The following FGD4 variants were observed in gnomAD, a reference collection of about 807,000 sequenced individuals.
FGD4 encodes FYVE, RhoGEF and PH domain containing 4, also known as FYVE, RhoGEF and PH domain-containing protein 4.
In FGD4, 42 loss-of-function variants were observed where a neutral mutation model predicts 102.0. That is an observed-to-expected ratio of 0.41 (90% CI 0.32 to 0.53). FGD4 has a LOEUF of 0.53. Ranked by LOEUF, FGD4 falls within the 20% of genes least tolerant of loss-of-function variation. The pLI is 0.21. For missense variants in FGD4, 902 were observed against 1,078.2 expected, an observed-to-expected ratio of 0.84 and a Z score of 2.29; for synonymous variants, 380 against 375.7, an observed-to-expected ratio of 1.01 and a Z score of -0.13.
chr12:32,427,241 T>C (rs1941870748), intron 1 of FGD4, among the ~76,000 whole-genome samples: 1 of 152,236 alleles, frequency 6.6e-6, no homozygotes, highest in African/African-American at 2.4e-5. Context: ...TTTAGCTGCA[T>C]CGCAGAGATT....
At chr12:32,563,720 T>G (rs1368008538) in intron 1 of FGD4, among the ~76,000 whole-genome samples, 5 of 152,158 alleles carry the variant, frequency 3.3e-5, no homozygotes, top group Admixed American at 2.6e-4. Context: ...CATTGAGCAC[T>G]GAGTGAACCA....
chr12:32,460,397 A>G (rs1017304093), intron 1 of FGD4, among the ~76,000 whole-genome samples: 16 of 151,898 alleles, frequency 1.1e-4, no homozygotes, highest in African/African-American at 3.9e-4. Flanking sequence ...TGCCCGTAGC[A>G]CCAGCTACTT....
chr12:32,563,140 GC>G (rs1944800334), intron 1 of FGD4, among the ~76,000 whole-genome samples: 1 of 151,114 alleles, frequency 6.6e-6, no homozygotes, highest in Non-Finnish European at 1.5e-5. Flanking sequence ...CCTGGCGGGG[GC>G]TGACCCCCAC....
chr12:32,580,020 C>G (rs1355132617), intron 3 of FGD4, among the ~76,000 whole-genome samples: 1 of 152,208 alleles, frequency 6.6e-6, no homozygotes, highest in Non-Finnish European at 1.5e-5. Context: ...CTCCCTTTAT[C>G]CCGTTACCTG....
chr12:32,616,008 A>G (rs1450405696), intron 10 of FGD4, among the ~76,000 whole-genome samples: 1 of 152,156 alleles, frequency 6.6e-6, no homozygotes, highest in Non-Finnish European at 1.5e-5. Context: ...GTCAGTGTCA[A>G]CAAGGCCTTA....
chr12:32,542,010 G>A (rs762232628), intron 1 of FGD4, among the ~76,000 whole-genome samples: 1 of 152,004 alleles, frequency 6.6e-6, no homozygotes, highest in Non-Finnish European at 1.5e-5. Context: ...GCGTTTCACC[G>A]CAGGTCTGGG....
At chr12:32,424,461 A>G (rs1035398954) in intron 1 of FGD4, among the ~76,000 whole-genome samples, 1 of 152,116 alleles carries the variant, frequency 6.6e-6, no homozygotes, top group South Asian at 2.1e-4. Flanking sequence ...TTCTTTATCC[A>G]GTCTATCATT....
intron 1 of FGD4, among the ~76,000 whole-genome samples, chr12:32,563,138 G>A (rs112502661): frequency 8.1e-4 from 123 of 151,292 alleles, no homozygotes; most frequent in Non-Finnish European, 1.1e-3. Context: ...GGCCTGGCGG[G>A]GGCTGACCCC....
intron 1 of FGD4, among the ~76,000 whole-genome samples, chr12:32,498,783 A>G (rs1224845389): frequency 6.6e-6 from 1 of 152,160 alleles, no homozygotes; most frequent in Non-Finnish European, 1.5e-5. Context: ...TTGTATTTTT[A>G]GTAGAGACAG....
intron 1 of FGD4, among the ~76,000 whole-genome samples, chr12:32,472,747 T>G (rs1943452142): frequency 6.6e-6 from 1 of 152,254 alleles, no homozygotes; most frequent in Non-Finnish European, 1.5e-5. Flanking sequence ...TGAAGCCAGC[T>G]GGGCTCCTGA....
At chr12:32,578,315 A>G (rs1946298343) in intron 3 of FGD4, among the ~76,000 whole-genome samples, 1 of 152,222 alleles carries the variant, frequency 6.6e-6, no homozygotes, top group Non-Finnish European at 1.5e-5. Context: ...GTGGGTTAAT[A>G]CTGCATTGGA....
rs575408490 is a variant in FGD4 at position 32,608,102 on chromosome 12, G to C, written c.1543+7G>C. Reference sequence around the variant, plus strand: ...GACTGGAATGATGCTAAAAGTAAATGCTTTTTTTTTGTTTTCTCCCTATTT... The same window carrying C: ...GACTGGAATGATGCTAAAAGTAAATCCTTTTTTTTTGTTTTCTCCCTATTT... On this transcript the variant is annotated splice_region_variant and intron_variant, in intron 8 of 16. Coordinates refer to ENST00000534526, the MANE Select transcript of FGD4 (RefSeq NM_001370298.3). 6.2e-7 allele frequency: 1 copy of C among 1,613,942 alleles called. No individual in the cohort carries two copies. The highest frequency in any genetic ancestry group is 1.1e-5 in the South Asian group (1 of 91,076).
intron 1 of FGD4, among the ~76,000 whole-genome samples, chr12:32,557,570 G>C (rs1944224564): frequency 6.6e-6 from 1 of 152,174 alleles, no homozygotes; most frequent in South Asian, 2.1e-4. Context: ...AGTCCTAGAA[G>C]TGCATGCAGT....
chr12:32,403,890 C>T lies in FGD4; in HGVS notation c.166+3931C>T, dbSNP rs545646199. Among the ~76,000 whole-genome samples, 7 of 152,102 alleles carry T rather than the reference C, an allele frequency of 4.6e-5. No homozygotes were observed. In the South Asian group the frequency reaches 1.0e-3, roughly 23 times the overall value. ...GATTACAGGTGTGAGCCATCGTGCC[C>T]GGCCCAATGCTCCCTTTTATGGAAC... On this transcript the variant is annotated intron_variant, in intron 1 of 16. Transcript: ENST00000534526.
intron 1 of FGD4, among the ~76,000 whole-genome samples, chr12:32,490,974 G>A (rs143830424): frequency 1.4e-4 from 21 of 152,072 alleles, no homozygotes; most frequent in African/African-American, 3.6e-4. Context: ...TTGTATGTGC[G>A]CTAGGCTGTC....
intron 1 of FGD4, among the ~76,000 whole-genome samples, chr12:32,516,570 G>GCTTACA (rs1939908870): frequency 2.6e-5 from 4 of 152,216 alleles, no homozygotes; most frequent in Admixed American, 2.6e-4. Flanking sequence ...CAAGTTATCT[G>GCTTACA]TTGTAAATAT....
intron 1 of FGD4, among the ~76,000 whole-genome samples, chr12:32,454,517 A>G (rs974257398): frequency 2.0e-5 from 3 of 152,180 alleles, no homozygotes; most frequent in Non-Finnish European, 2.9e-5. Context: ...TCTTAATTTC[A>G]TAGGCACATA....
chr12:32,533,772 G>A (rs899683422), intron 1 of FGD4, among the ~76,000 whole-genome samples: 2 of 152,302 alleles, frequency 1.3e-5, no homozygotes, highest in East Asian at 1.9e-4. Flanking sequence ...AATTACTAAT[G>A]TACTTATAAA....
chr12:32,570,222 T>C (rs112530044), intron 2 of FGD4, among the ~76,000 whole-genome samples: 19,326 of 117,272 alleles, frequency 0.16, 1,498 homozygotes, highest in Middle Eastern at 0.3. Flanking sequence ...GCCTGGGCGA[T>C]GGGGCAAGAC....
Sources: allele counts gnomAD v4.1 joint callset (sites outside exome capture counted in the v4.1 genomes callset), GRCh38; gene constraint gnomAD v4.1.1; transcripts MANE v1.5; gene names NCBI Gene and HGNC (gene_info 2026-07-23, HGNC 2026-07-21).